Variants in IQCM observed in about 807,000 individuals in gnomAD.
The protein encoded by IQCM is IQ domain-containing protein M.
In IQCM, 45 loss-of-function variants were observed where a neutral mutation model predicts 57.6. The observed-to-expected ratio is 0.78, with a 90% CI of 0.62 to 1.00. IQCM has a LOEUF of 1.00. Among genes scored for constraint, IQCM ranks in the 50% least tolerant of loss-of-function variants. The pLI, the probability that IQCM is intolerant of heterozygous loss-of-function variation, is 0.00. For missense variants in IQCM, 468 were observed against 511.6 expected, an observed-to-expected ratio of 0.91 and a Z score of 0.82; for synonymous variants, 148 against 158.9, an observed-to-expected ratio of 0.93 and a Z score of 0.51.
intron 2 of IQCM, among the ~76,000 whole-genome samples, chr4:149,788,783 G>T (rs1224224402): frequency 2.6e-5 from 4 of 152,130 alleles, no homozygotes; most frequent in African/African-American, 9.7e-5. Context: ...ATAAAATGTG[G>T]TATATATACA....
chr4:149,406,808 G>A (rs1414653098), intron 13 of IQCM, among the ~76,000 whole-genome samples: 2 of 152,148 alleles, frequency 1.3e-5, no homozygotes, highest in Non-Finnish European at 2.9e-5. Context: ...CTAACAGTCT[G>A]TATTAGTCTG....
chr4:149,774,034 T>A (rs1238048603), intron 2 of IQCM, among the ~76,000 whole-genome samples: 1 of 152,212 alleles, frequency 6.6e-6, no homozygotes, highest in Non-Finnish European at 1.5e-5. Context: ...TGTACATGGC[T>A]GATTCTTTGT....
chr4:149,432,625 T>C (rs904380138), intron 13 of IQCM, among the ~76,000 whole-genome samples: 2 of 151,908 alleles, frequency 1.3e-5, no homozygotes, highest in Non-Finnish European at 2.9e-5. Flanking sequence ...AAGAAACACA[T>C]AGTAAATTGT....
intron 9 of IQCM, among the ~76,000 whole-genome samples, chr4:149,571,625 G>A (rs558260876): frequency 1.2e-3 from 179 of 152,120 alleles, no homozygotes; most frequent in African/African-American, 4.0e-3. Context: ...TGTTAAGAGC[G>A]TGGACATAAA....
intron 12 of IQCM, among the ~76,000 whole-genome samples, chr4:149,506,043 A>T (rs903408013): frequency 6.6e-6 from 1 of 152,234 alleles, no homozygotes; most frequent in Non-Finnish European, 1.5e-5. Flanking sequence ...TCTAGCCTAC[A>T]TATGAAGATT....
chr4:149,457,569 G>A (rs1198550453), intron 12 of IQCM, among the ~76,000 whole-genome samples: 1 of 151,498 alleles, frequency 6.6e-6, no homozygotes, highest in Non-Finnish European at 1.5e-5. Flanking sequence ...TTTTGTTTTT[G>A]TTTTTGTTTT....
chr4:149,483,638 G>A (rs1440835445), intron 12 of IQCM, among the ~76,000 whole-genome samples: 2 of 151,896 alleles, frequency 1.3e-5, no homozygotes, highest in Non-Finnish European at 2.9e-5. Context: ...GAAGATGCTT[G>A]ATGTTATTTC....
intron 5 of IQCM, among the ~76,000 whole-genome samples, chr4:149,717,367 G>A (rs1580110546): frequency 6.6e-6 from 1 of 152,080 alleles, no homozygotes; most frequent in South Asian, 2.1e-4. Flanking sequence ...GGTGTGTGAG[G>A]AGAAATTCCC....
chr4:149,399,158 T>C (rs1732439743), intron 13 of IQCM, among the ~76,000 whole-genome samples: 3 of 152,232 alleles, frequency 2.0e-5, no homozygotes, highest in East Asian at 1.9e-4. Context: ...CATTCATAAA[T>C]ATTCTCAAGG....
chr4:149,621,157 G>C lies in IQCM; in HGVS notation c.653C>G (p.Ser218Ter). The C allele has an allele frequency of 8.1e-7, 1 of 1,230,020 alleles. No homozygotes were observed. The highest frequency in any genetic ancestry group is 1.0e-6 in the Non-Finnish European group (1 of 986,056). The allele number at this position is 1,230,020 out of a possible 1,614,324, so 76.2% of individuals were successfully genotyped here. A position where few individuals can be genotyped will look rare whatever the true frequency, so the allele number is the denominator to read the frequency against. ...ATAATAATCCCGAAATATTGATGAT[G>C]ATTGAGAGAAACTAACTCGACGGGA... ...CDSRRVSFSQ[S>*]SSIFRDYYSK... The change falls in exon 8 of 14, where the codon TCA becomes TGA. Residue 218 changes from serine (S) to a stop codon, truncating the protein, a stop_gained. Transcript: ENST00000636793. LOFTEE classifies it high-confidence loss of function.
intron 8 of IQCM, among the ~76,000 whole-genome samples, chr4:149,605,209 C>T (rs1040061094): frequency 6.6e-6 from 1 of 151,974 alleles, no homozygotes; most frequent in African/African-American, 2.4e-5. Flanking sequence ...TGTGAAGTGG[C>T]CTCCAAAAGC....
At chr4:149,433,350 G>T (rs1735046484) in intron 13 of IQCM, 46 bp downstream of exon 13, 1 of 793,618 alleles carries the variant, frequency 1.3e-6, no homozygotes. Flanking sequence ...AATATTATAA[G>T]GTATCACTTC....
At chr4:149,766,807 G>T (rs534977514) in intron 2 of IQCM, among the ~76,000 whole-genome samples, 1 of 152,060 alleles carries the variant, frequency 6.6e-6, no homozygotes, top group South Asian at 2.1e-4. Context: ...AGAAAATTTG[G>T]TGGATTCCTA....
chr4:149,633,096 G>C (rs1400504749), intron 7 of IQCM, among the ~76,000 whole-genome samples: 1 of 143,394 alleles, frequency 7.0e-6, no homozygotes, highest in Non-Finnish European at 1.5e-5. Flanking sequence ...GGGAAGCGGA[G>C]CTTGCAGTGA....
chr4:149,650,782 G>A (rs1381692121), intron 7 of IQCM, among the ~76,000 whole-genome samples: 1 of 152,124 alleles, frequency 6.6e-6, no homozygotes, highest in Non-Finnish European at 1.5e-5. Flanking sequence ...ATCTTTTGCG[G>A]AAGTTTTAAT....
chr4:149,752,321 G>A (rs1363483788), intron 2 of IQCM, among the ~76,000 whole-genome samples: 2 of 152,132 alleles, frequency 1.3e-5, no homozygotes, highest in Admixed American at 6.5e-5. Flanking sequence ...GGAGGCTGAG[G>A]AAGGTGGATC....
At chr4:149,456,181 T>C (rs1347579009) in intron 12 of IQCM, among the ~76,000 whole-genome samples, 3 of 151,940 alleles carry the variant, frequency 2.0e-5, no homozygotes, top group Non-Finnish European at 4.4e-5. Context: ...AGTGGAGAGT[T>C]GTACAGAAGT....
chr4:149,541,768 T>C (rs1405199424), intron 12 of IQCM, among the ~76,000 whole-genome samples: 1 of 151,374 alleles, frequency 6.6e-6, no homozygotes, highest in East Asian at 1.9e-4. Flanking sequence ...GAATAAAGAA[T>C]GAAAAAAAAA....
chr4:149,757,268 A>C lies in IQCM; in HGVS notation c.-48-14529T>G, dbSNP rs142158124. Among the ~76,000 whole-genome samples, 400 of 152,256 alleles carry C rather than the reference A, an allele frequency of 2.6e-3. 3 individuals carry two copies. The highest frequency in any genetic ancestry group is 6.9e-3 in the African/African-American group (285 of 41,550). ...GCGAGACTCGTCTCAAAAAAAAATAAGGCCAAATATGAGGAAAAAGAAAAA... is the reference window on the plus strand; with the variant it reads ...GCGAGACTCGTCTCAAAAAAAAATACGGCCAAATATGAGGAAAAAGAAAAA... On this transcript the variant is annotated intron_variant, in intron 2 of 13. Coordinates refer to ENST00000636793, the MANE Select transcript of IQCM (RefSeq NM_001363507.2).
Sources: allele counts gnomAD v4.1 joint callset (sites outside exome capture counted in the v4.1 genomes callset), GRCh38; gene constraint gnomAD v4.1.1; transcripts MANE v1.5; gene names NCBI Gene and HGNC (gene_info 2026-07-23, HGNC 2026-07-21).